Variants in COG4 observed in about 807,000 individuals in gnomAD.
COG4 encodes the protein conserved oligomeric Golgi complex subunit 4.
Under a neutral mutation model 95.1 loss-of-function variants are expected in COG4, and 65 were observed. That is an observed-to-expected ratio of 0.68 (90% CI 0.56 to 0.84). The LOEUF is 0.84. COG4 is among the 40% of genes least tolerant of loss of function. The pLI is 0.00. For missense variants in COG4, 1,045 were observed against 989.1 expected, an observed-to-expected ratio of 1.06 and a Z score of -0.76; for synonymous variants, 421 against 374.8, an observed-to-expected ratio of 1.12 and a Z score of -1.42.
In COG4 at chr16:70,482,775, T is replaced by C; in HGVS notation, c.1874A>G (p.Gln625Arg). 1 of 1,613,920 alleles carries C rather than the reference T, an allele frequency of 6.2e-7. No individual in the cohort carries two copies. The highest frequency in any genetic ancestry group is 8.5e-7 in the Non-Finnish European group (1 of 1,179,904). ...LNSTAIKPQV[Q>R]PWINSFFSVS... ...GGAGAAAAAGCTGTTGATCCAAGGC[T>C]GCACCTGTGGCTTGATGGCTGTGCT... The change falls in exon 15 of 19, where the codon CAG becomes CGG. Residue 625 changes from glutamine (Q) to arginine (R), a missense_variant. Gln to Arg is a conservative substitution (Grantham distance 43). Coordinates refer to ENST00000323786, the MANE Select transcript of COG4 (RefSeq NM_015386.3).
At chr16:70,505,770 A>G (rs2049552416) in intron 8 of COG4, among the ~76,000 whole-genome samples, 1 of 151,728 alleles carries the variant, frequency 6.6e-6, no homozygotes, top group East Asian at 2.0e-4. Flanking sequence ...TGGAGCTTGC[A>G]GTGAGCCGAG....
chr16:70,500,489 T>C (rs191109949), intron 9 of COG4, among the ~76,000 whole-genome samples: 15 of 148,072 alleles, frequency 1.0e-4, no homozygotes, highest in African/African-American at 3.3e-4. Context: ...ACCTCCCGAG[T>C]AGCTGGGACT....
At chr16:70,490,632 C>G (rs1474259653) in intron 12 of COG4, among the ~76,000 whole-genome samples, 1 of 152,144 alleles carries the variant, frequency 6.6e-6, no homozygotes, top group Non-Finnish European at 1.5e-5. Flanking sequence ...GAGCCTAAAG[C>G]TATCAGGACC....
In COG4 at chr16:70,482,731, C is replaced by T. The variant is rs1382985952; in HGVS notation, c.1918G>A (p.Glu640Lys). The change falls in exon 15 of 19, where the codon GAG (glutamate) becomes AAG (lysine). Residue 640 changes from glutamate (E) to lysine (K), a missense_variant and splice_region_variant. By Grantham distance (56) the Glu-to-Lys change is moderately conservative. Coordinates refer to ENST00000323786, the MANE Select transcript of COG4 (RefSeq NM_015386.3). ...TGGCTGCCTGTGGCCAGGCTAACCT[C>T]CTCGATGTTGTGGGAGACGGAGAAA... is the stretch of plus-strand genomic sequence containing the variant. ...SFFSVSHNIE[E>K]EEFNDYEAND... The T allele has an allele frequency of 6.2e-7, 1 of 1,613,720 alleles. No homozygotes were observed. Among genetic ancestry groups the T allele is most frequent in the Non-Finnish European group, 8.5e-7 (1 of 1,179,760 alleles).
rs200772778 is a variant in COG4 at position 70,481,109 on chromosome 16, G to A, written c.2271C>T (p.Ser757=). The A allele has an allele frequency of 8.2e-5, 133 of 1,613,566 alleles. No homozygotes were observed. Among genetic ancestry groups the A allele is most frequent in the East Asian group, 6.2e-4 (28 of 44,866 alleles). The stretch of plus-strand genomic sequence containing the variant: ...GGGTGAGGCGCCACGTCAATGGGCC[G>A]GAATTGGGTCCCCAGTAATCGAGGA... ...TEILDYWGPN[S]GPLTWRLTPA... Residue 757 remains serine, a synonymous_variant, in exon 19 of 19, where the codon TCC becomes TCT. Coordinates refer to ENST00000323786, the MANE Select transcript of COG4 (RefSeq NM_015386.3).
chr16:70,492,551 C>T (rs2049265638), intron 12 of COG4, among the ~76,000 whole-genome samples: 2 of 151,612 alleles, frequency 1.3e-5, no homozygotes, highest in Admixed American at 1.3e-4. Context: ...ATCCCAGCTA[C>T]TTGGGAGGCT....
At chr16:70,521,907 T>C (rs1318872076) in intron 1 of COG4, among the ~76,000 whole-genome samples, 1 of 150,562 alleles carries the variant, frequency 6.6e-6, no homozygotes, top group African/African-American at 2.5e-5. Flanking sequence ...TTCACTGTGT[T>C]AGCCAGGATG....
In COG4 at chr16:70,480,789, G is replaced by A. The variant is rs1425368683; in HGVS notation, c.*221C>T. On this transcript the variant is annotated 3_prime_UTR_variant, in exon 19 of 19. Coordinates refer to ENST00000323786, the MANE Select transcript of COG4 (RefSeq NM_015386.3). ...GGCTTTCCCACCTCATTAGGAGCCC[G>A]CTTCTCTCGGTGGGGAGATGCTGCC... The A allele has an allele frequency of 5.1e-6, 3 of 582,918 alleles. No homozygotes were observed. Among genetic ancestry groups the A allele is most frequent in the African/African-American group, 1.9e-5 (1 of 53,440 alleles). The allele number at this position is 582,918 out of a possible 1,614,324, so 36.1% of individuals were successfully genotyped here. A position where few individuals can be genotyped will look rare whatever the true frequency, so the allele number is the denominator to read the frequency against.
chr16:70,509,649 C>T (rs958689889), intron 6 of COG4, among the ~76,000 whole-genome samples: 34 of 152,212 alleles, frequency 2.2e-4, no homozygotes. Context: ...ATCAGCATCA[C>T]TCGCTTTCCA....
intron 12 of COG4, among the ~76,000 whole-genome samples, chr16:70,491,520 C>CAAAAAA (rs72213284): frequency 1.8e-5 from 1 of 54,828 alleles, no homozygotes; most frequent in Non-Finnish European, 2.9e-5. Flanking sequence ...GACTCTGTCT[C>CAAAAAA]AAAAAAAAAA....
chr16:70,482,862 C>T (rs140533129), intron 14 of COG4, 41 bp from the exon 15 acceptor site: 35 of 1,462,828 alleles, frequency 2.4e-5, no homozygotes, highest in East Asian at 1.4e-4. Flanking sequence ...ACAGAAGGCA[C>T]GACTCATCCC....
Position 70,506,609 on chromosome 16 carries a change from AAAAAAAAAC to A in COG4, c.1061+1788_1061+1796del, listed in dbSNP as rs577387706. 2.4e-3 allele frequency among the ~76,000 whole-genome samples: 148 copies of A among 61,246 alleles called. 20 individuals carry two copies. Among genetic ancestry groups the A allele is most frequent in the African/African-American group, 6.6e-3 (120 of 18,074 alleles). 40.2% of individuals were successfully genotyped at this position (61,246 alleles called of 152,430 possible). A position where few individuals can be genotyped will look rare whatever the true frequency, so the allele number is the denominator to read the frequency against. Reference sequence around the variant, plus strand: ...AGACTGCCTCAAAAAAAAAAAAAAAAAAAAAAAACAAAAAAAAAAACATTTAGCTGGGAG... The same window carrying A: ...AGACTGCCTCAAAAAAAAAAAAAAAAAAAAAAAAAAACATTTAGCTGGGAG... On this transcript the variant is annotated intron_variant, in intron 8 of 18. Coordinates refer to ENST00000323786, the MANE Select transcript of COG4 (RefSeq NM_015386.3).
At chr16:70,486,749 C>A (rs2049144360) in intron 13 of COG4, among the ~76,000 whole-genome samples, 2 of 152,204 alleles carry the variant, frequency 1.3e-5, no homozygotes, top group African/African-American at 4.8e-5. Context: ...GTAATCCCAG[C>A]ACTTTGGGAG....
Position 70,496,439 on chromosome 16 carries a change from G to A in COG4, c.1482-8C>T, listed in dbSNP as rs766304115. ...TTATTACACAGAACATCCCTGGGGG[G>A]CAGGATTGCATAGAGGAATTGACAG... is the stretch of plus-strand genomic sequence containing the variant. On this transcript the variant is annotated splice_polypyrimidine_tract_variant and splice_region_variant and intron_variant, in intron 11 of 18. Transcript: ENST00000323786. 1 of 1,614,052 alleles carries A rather than the reference G, an allele frequency of 6.2e-7. No homozygotes were observed. Among genetic ancestry groups the A allele is most frequent in the South Asian group, 1.1e-5 (1 of 91,086 alleles).
At chr16:70,516,690 C>T (rs1426406559) in intron 3 of COG4, among the ~76,000 whole-genome samples, 1 of 150,726 alleles carries the variant, frequency 6.6e-6, no homozygotes, top group African/African-American at 2.4e-5. Flanking sequence ...CATTAGATTT[C>T]TATTGAATGG....
chr16:70,519,774 G>T, intron 1 of COG4, 43 bp from the exon 2 acceptor site: 1 of 1,429,538 alleles, frequency 7.0e-7, no homozygotes, highest in Non-Finnish European at 9.9e-7. Flanking sequence ...TGATCAGAAG[G>T]AACCTTAAGA....
chr16:70,481,777 G>C lies in COG4; in HGVS notation c.2093C>G (p.Ser698Cys), dbSNP rs1205702588. ...CCTTTACCTTACCCGGTTAAAGGTG[G>C]ATTTCAGCACCACTTTCTCCAACTC... ...AVELEKVVLKSTFNRLGGLQF... is the reference protein window; with the variant it reads ...AVELEKVVLKCTFNRLGGLQF... The change falls in exon 17 of 19, where the codon TCC becomes TGC. Residue 698 changes from serine (S) to cysteine (C), a missense_variant. By Grantham distance (112) the Ser-to-Cys change is moderately radical (BLOSUM62 -1). Transcript: ENST00000323786. 4 of 1,613,766 alleles carry C rather than the reference G, an allele frequency of 2.5e-6. No homozygotes were observed. Among genetic ancestry groups the C allele is most frequent in the Non-Finnish European group, 3.4e-6 (4 of 1,179,874 alleles).
chr16:70,495,311 C>T lies in COG4; in HGVS notation c.1647+955G>A, dbSNP rs559390004. 7.1e-4 allele frequency among the ~76,000 whole-genome samples: 107 copies of T among 150,914 alleles called. 1 individual carries two copies. The highest frequency in any genetic ancestry group is 2.4e-3 in the African/African-American group (98 of 41,000). ...ACTCGGGAGGCTAAAGCAGGAGAATCGCTTGAACCTGTGAGGCGGAGGTTG... is the reference window on the plus strand; with the variant it reads ...ACTCGGGAGGCTAAAGCAGGAGAATTGCTTGAACCTGTGAGGCGGAGGTTG... On this transcript the variant is annotated intron_variant, in intron 12 of 18. Transcript: ENST00000323786.
At chr16:70,504,740 T>C (rs1201028481) in intron 8 of COG4, among the ~76,000 whole-genome samples, 1 of 151,286 alleles carries the variant, frequency 6.6e-6, no homozygotes, top group Non-Finnish European at 1.5e-5. Context: ...TGAAACCCCA[T>C]CTCTACTAAA....
Sources: gnomAD v4.1 joint callset for allele counts (sites outside exome capture counted in the v4.1 genomes callset) on GRCh38, gnomAD v4.1.1 for gene constraint, MANE v1.5 for transcripts, NCBI Gene and HGNC (gene_info 2026-07-23, HGNC 2026-07-21) for gene names.